C12orf42: variants seen among roughly 807,000 people sequenced by gnomAD.
C12orf42 encodes chromosome 12 open reading frame 42.
C12orf42 carries 25 observed loss-of-function variants against 21.6 expected under a neutral mutation model. That is an observed-to-expected ratio of 1.16 (90% CI 0.84 to 1.62). C12orf42 has a LOEUF of 1.62. C12orf42 is among the 40% of genes most tolerant of loss of function. C12orf42 has a pLI of 0.00. For missense variants in C12orf42, 483 were observed against 459.3 expected (o/e 1.05, Z -0.47); for synonymous variants, 174 against 175.0 (o/e 0.99, Z 0.05).
At chr12:103,095,665 A>G in the C12orf42 span, among the ~76,000 whole-genome samples, 1 of 152,202 alleles carries the variant, frequency 6.6e-6, no homozygotes, top group Non-Finnish European at 1.5e-5. Flanking sequence ...TTTCCCTGCT[A>G]GAACAAAATT....
At chr12:103,488,419 AT>A (rs1954978117) in intron 1 of C12orf42, among the ~76,000 whole-genome samples, 1 of 151,986 alleles carries the variant, frequency 6.6e-6, no homozygotes. Context: ...GAATCTGACA[AT>A]TGTGTGTCTT....
At chr12:103,187,323 A>C in the C12orf42 span, among the ~76,000 whole-genome samples, 1 of 152,220 alleles carries the variant, frequency 6.6e-6, no homozygotes, top group Non-Finnish European at 1.5e-5. Flanking sequence ...ATAAAAAAAA[A>C]CTGAAACACA....
chr12:103,506,009 TAC>T, the C12orf42 span: 6 of 199,226 alleles, frequency 3.0e-5, no homozygotes, highest in African/African-American at 7.2e-5. Context: ...CAGGTCTTTG[TAC>T]ACAGTCTCCT....
the C12orf42 span, among the ~76,000 whole-genome samples, chr12:103,121,483 A>C: frequency 1.3e-5 from 2 of 152,322 alleles, no homozygotes; most frequent in African/African-American, 4.8e-5. Flanking sequence ...GAGATGAATC[A>C]AATTGGAGTG....
At chr12:103,111,177 T>C in the C12orf42 span, among the ~76,000 whole-genome samples, 6 of 152,096 alleles carry the variant, frequency 3.9e-5, no homozygotes, top group African/African-American at 1.2e-4. Flanking sequence ...CAATACAAAA[T>C]GAAAATGAAA....
chr12:103,104,258 A>C, the C12orf42 span, among the ~76,000 whole-genome samples: 1 of 152,210 alleles, frequency 6.6e-6, no homozygotes, highest in African/African-American at 2.4e-5. Context: ...GTATTGATGA[A>C]ATATAACATG....
At chr12:103,481,595 AC>A (rs1431247859) in intron 1 of C12orf42, among the ~76,000 whole-genome samples, 1 of 151,786 alleles carries the variant, frequency 6.6e-6, no homozygotes, top group Non-Finnish European at 1.5e-5. Flanking sequence ...TGAACTTTTA[AC>A]ATTTTTGTTC....
At chr12:103,412,495 C>G (rs1021583052) in intron 2 of C12orf42, among the ~76,000 whole-genome samples, 1 of 152,150 alleles carries the variant, frequency 6.6e-6, no homozygotes. Flanking sequence ...ATGGCAAAAC[C>G]CTGTCCCTAC....
At chr12:103,289,476 A>G (rs1256223186) in intron 4 of C12orf42, among the ~76,000 whole-genome samples, 1 of 152,216 alleles carries the variant, frequency 6.6e-6, no homozygotes, top group East Asian at 1.9e-4. Context: ...AAATAATTAG[A>G]GGAGCAGATA....
At chr12:103,393,958 T>A (rs998852898) in intron 3 of C12orf42, among the ~76,000 whole-genome samples, 2 of 152,224 alleles carry the variant, frequency 1.3e-5, no homozygotes, top group African/African-American at 4.8e-5. Context: ...TATGCTGATA[T>A]CATCCTCATA....
chr12:103,338,659 T>C (rs1593499209), intron 4 of C12orf42, among the ~76,000 whole-genome samples: 1 of 152,224 alleles, frequency 6.6e-6, no homozygotes, highest in East Asian at 1.9e-4. Flanking sequence ...ATTCGCCCTT[T>C]TTTTTAGAGC....
the C12orf42 span, among the ~76,000 whole-genome samples, chr12:103,133,432 T>A: frequency 6.6e-6 from 1 of 152,238 alleles, no homozygotes; most frequent in African/African-American, 2.4e-5. Flanking sequence ...CAATGCCAAC[T>A]TATGAAACCT....
the C12orf42 span, among the ~76,000 whole-genome samples, chr12:103,166,027 G>C: frequency 6.7e-6 from 1 of 148,212 alleles, no homozygotes; most frequent in Non-Finnish European, 1.5e-5. Context: ...GTGACAGAGC[G>C]AGACTCCGTC....
Position 103,480,229 on chromosome 12 carries a change from A to G in C12orf42, c.-21-1782T>C, listed in dbSNP as rs1317793523. Among the ~76,000 whole-genome samples the G allele has an allele frequency of 7.9e-5, 12 of 151,982 alleles. No homozygotes were observed. In the East Asian group the frequency reaches 2.3e-3, roughly 29 times the overall value. Reference sequence around the variant, plus strand: ...TTTCCAGATTCATTGACTTTAAAACATATGTAATACACACATATTTTTATC... The same window carrying G: ...TTTCCAGATTCATTGACTTTAAAACGTATGTAATACACACATATTTTTATC... On this transcript the variant is annotated intron_variant, in intron 1 of 5. Coordinates refer to ENST00000548883, the MANE Select transcript of C12orf42 (RefSeq NM_198521.5).
the C12orf42 span, among the ~76,000 whole-genome samples, chr12:103,068,454 TG>T: frequency 3.0e-4 from 46 of 152,214 alleles, no homozygotes; most frequent in African/African-American, 1.1e-3. Context: ...GAGATGTGTA[TG>T]GGTTCAGGTT....
At chr12:103,192,980 C>T in the C12orf42 span, among the ~76,000 whole-genome samples, 1 of 152,124 alleles carries the variant, frequency 6.6e-6, no homozygotes. Flanking sequence ...CAGGACAGAT[C>T]ACATGCTAGA....
chr12:103,420,130 T>C (rs981606553), intron 2 of C12orf42, among the ~76,000 whole-genome samples: 1 of 152,240 alleles, frequency 6.6e-6, no homozygotes, highest in Non-Finnish European at 1.5e-5. Flanking sequence ...TACTTTTACA[T>C]AGTTGTTTTC....
At chr12:103,319,512 C>T (rs2039873686) in intron 4 of C12orf42, among the ~76,000 whole-genome samples, 1 of 152,200 alleles carries the variant, frequency 6.6e-6, no homozygotes, top group Non-Finnish European at 1.5e-5. Flanking sequence ...TTTTTGCATG[C>T]CCCTGTGAAA....
intron 2 of C12orf42, among the ~76,000 whole-genome samples, chr12:103,433,185 A>G (rs1950396424): frequency 6.6e-6 from 1 of 152,242 alleles, no homozygotes; most frequent in Non-Finnish European, 1.5e-5. Flanking sequence ...ATAAATATTC[A>G]TTACATAATA....
Sources: gnomAD v4.1 joint callset for allele counts (sites outside exome capture counted in the v4.1 genomes callset) on GRCh38, gnomAD v4.1.1 for gene constraint, MANE v1.5 for transcripts, NCBI Gene and HGNC (gene_info 2026-07-23, HGNC 2026-07-21) for gene names.